The following CDH18 variants were observed in gnomAD, a reference collection of about 807,000 sequenced individuals.
The protein encoded by CDH18 is cadherin-18.
Under a neutral mutation model 67.9 loss-of-function variants are expected in CDH18, and 31 were observed. The ratio of observed to expected loss-of-function variants is 0.46; its 90% CI spans 0.34 to 0.62. CDH18 has a LOEUF of 0.62. Among genes scored for constraint, CDH18 ranks in the 20% least tolerant of loss-of-function variants. The pLI is 0.01. For synonymous variants in CDH18, 362 were observed against 347.2 expected, an observed-to-expected ratio of 1.04 and a Z score of -0.48; for missense variants, 890 against 975.5, an observed-to-expected ratio of 0.91 and a Z score of 1.17.
intron 2 of CDH18, among the ~76,000 whole-genome samples, chr5:19,893,474 T>C (rs1262102793): frequency 6.6e-6 from 1 of 152,148 alleles, no homozygotes; most frequent in Non-Finnish European, 1.5e-5. Context: ...CCAAATTGTA[T>C]TTTCAGGACC....
intron 1 of CDH18, among the ~76,000 whole-genome samples, chr5:20,447,872 T>C (rs1750123900): frequency 6.6e-6 from 1 of 152,142 alleles, no homozygotes; most frequent in African/African-American, 2.4e-5. Context: ...AGCTTTGTCT[T>C]TGAGATCTCT....
At chr5:19,752,495 C>T (rs1271352897) in intron 3 of CDH18, among the ~76,000 whole-genome samples, 1 of 152,056 alleles carries the variant, frequency 6.6e-6, no homozygotes, top group Non-Finnish European at 1.5e-5. Flanking sequence ...GGAAATCTTG[C>T]CCTCATCCCC....
chr5:20,281,710 T>C (rs992469710), intron 1 of CDH18, among the ~76,000 whole-genome samples: 1 of 152,188 alleles, frequency 6.6e-6, no homozygotes, highest in African/African-American at 2.4e-5. Context: ...TGGTTCCATA[T>C]GAACTTTAAA....
At chr5:19,683,678 G>T (rs1760656331) in intron 5 of CDH18, among the ~76,000 whole-genome samples, 1 of 151,984 alleles carries the variant, frequency 6.6e-6, no homozygotes, top group Admixed American at 6.6e-5. Flanking sequence ...AAAATTATTT[G>T]ATATGTTTGG....
chr5:19,932,334 G>A (rs868815470), intron 2 of CDH18, among the ~76,000 whole-genome samples: 35 of 151,680 alleles, frequency 2.3e-4, no homozygotes, highest in African/African-American at 7.0e-4. Context: ...ATTAAAGTAC[G>A]CGTGTTATTT....
At chr5:19,532,669 C>T (rs1208135503) in intron 9 of CDH18, among the ~76,000 whole-genome samples, 1 of 152,124 alleles carries the variant, frequency 6.6e-6, no homozygotes, top group African/African-American at 2.4e-5. Context: ...CCAAAGGAAG[C>T]TAAGGTTAGG....
chr5:20,462,092 C>T (rs1751303972), intron 1 of CDH18, among the ~76,000 whole-genome samples: 1 of 152,082 alleles, frequency 6.6e-6, no homozygotes, highest in South Asian at 2.1e-4. Context: ...TCATTATTTA[C>T]AACAGCAAGC....
At chr5:20,497,075 A>G (rs1363914795) in intron 1 of CDH18, among the ~76,000 whole-genome samples, 1 of 152,082 alleles carries the variant, frequency 6.6e-6, no homozygotes, top group Non-Finnish European at 1.5e-5. Flanking sequence ...AGGAAAAGCA[A>G]ATGTCAAAAG....
intron 2 of CDH18, among the ~76,000 whole-genome samples, chr5:20,048,299 C>G (rs1224942290): frequency 2.0e-5 from 3 of 151,384 alleles, no homozygotes; most frequent in Non-Finnish European, 4.4e-5. Context: ...CGTGCTTACA[C>G]TAATTTAGTG....
intron 5 of CDH18, among the ~76,000 whole-genome samples, chr5:19,696,225 A>ATGTGTGTG (rs1192392126): frequency 6.8e-4 from 51 of 75,110 alleles, no homozygotes; most frequent in African/African-American, 1.9e-3. Flanking sequence ...CACCAAATAT[A>ATGTGTGTG]TGTGTGTGTG....
chr5:19,567,407 A>G (rs774198192), intron 8 of CDH18, among the ~76,000 whole-genome samples: 3 of 152,142 alleles, frequency 2.0e-5, no homozygotes, highest in Non-Finnish European at 4.4e-5. Context: ...CTTTTCACAA[A>G]TGCTTGCAAA....
intron 1 of CDH18, among the ~76,000 whole-genome samples, chr5:20,323,097 A>C (rs1738194943): frequency 6.6e-6 from 1 of 152,168 alleles, no homozygotes; most frequent in Non-Finnish European, 1.5e-5. Flanking sequence ...GATAATTCAC[A>C]CGGTGAATGA....
At chr5:19,704,736 C>T (rs1763723221) in intron 5 of CDH18, among the ~76,000 whole-genome samples, 1 of 152,066 alleles carries the variant, frequency 6.6e-6, no homozygotes, top group Non-Finnish European at 1.5e-5. Flanking sequence ...AGTTACTGAA[C>T]AATTAGAAAA....
intron 3 of CDH18, among the ~76,000 whole-genome samples, chr5:19,820,890 C>T (rs1404344414): frequency 6.6e-6 from 1 of 152,050 alleles, no homozygotes; most frequent in East Asian, 1.9e-4. Flanking sequence ...ATCCATAATA[C>T]ATAACATTCA....
rs894586013 is a variant in CDH18, at chr5:19,501,457, CAAGCAAACAAA to C, written c.1630+1524_1630+1534del. Among the ~76,000 whole-genome samples, 11 of 142,344 alleles carry C rather than the reference CAAGCAAACAAA, an allele frequency of 7.7e-5. No individual in the cohort carries two copies. The Admixed American group carries it at 7.9e-4, about 10-fold the overall frequency. 93.4% of individuals were successfully genotyped at this position (142,344 alleles called of 152,430 possible). On this transcript the variant is annotated intron_variant, in intron 11 of 12. Coordinates refer to ENST00000382275, the MANE Select transcript of CDH18 (RefSeq NM_004934.5). ...GTCTCTACTGAAAAAAACAAACAAACAAGCAAACAAAAAACTAGCCAGGCATGGTACGAGAG... is the reference window on the plus strand; with the variant it reads ...GTCTCTACTGAAAAAAACAAACAAACAAACTAGCCAGGCATGGTACGAGAG...
chr5:20,027,353 A>G (rs1371850095), intron 2 of CDH18, among the ~76,000 whole-genome samples: 1 of 152,220 alleles, frequency 6.6e-6, no homozygotes, highest in African/African-American at 2.4e-5. Flanking sequence ...ATACATATAT[A>G]GTCTGCTGTT....
chr5:20,287,798 T>C (rs1746796074), intron 1 of CDH18, among the ~76,000 whole-genome samples: 1 of 151,680 alleles, frequency 6.6e-6, no homozygotes, highest in African/African-American at 2.4e-5. Flanking sequence ...CGTTGTGACT[T>C]CTCGGTATCA....
chr5:20,372,068 T>C (rs937927648), intron 1 of CDH18, among the ~76,000 whole-genome samples: 1 of 152,204 alleles, frequency 6.6e-6, no homozygotes, highest in Non-Finnish European at 1.5e-5. Context: ...ACCGAAAAGA[T>C]ACATTTTTTT....
chr5:20,094,746 G>C (rs1002935025), intron 2 of CDH18, among the ~76,000 whole-genome samples: 3 of 151,978 alleles, frequency 2.0e-5, no homozygotes, highest in Non-Finnish European at 4.4e-5. Context: ...AGACAGTGTG[G>C]AGATTCCTCA....
Sources: allele counts gnomAD v4.1 joint callset (sites outside exome capture counted in the v4.1 genomes callset), GRCh38; gene constraint gnomAD v4.1.1; transcripts MANE v1.5; gene names NCBI Gene and HGNC (gene_info 2026-07-23, HGNC 2026-07-21).